Variants in TP63 observed in about 807,000 individuals in gnomAD.
TP63 encodes the protein tumor protein p63, also known as tumor protein 63.
TP63 carries 17 observed loss-of-function variants against 82.8 expected under a neutral mutation model. The ratio of observed to expected loss-of-function variants is 0.21; its 90% CI spans 0.14 to 0.31. TP63 has a LOEUF of 0.31. Ranked by LOEUF, TP63 falls within the 10% of genes least tolerant of loss-of-function variation. The pLI, the probability that TP63 is intolerant of heterozygous loss-of-function variation, is 1.00. For synonymous variants in TP63, 330 were observed against 321.7 expected (o/e 1.03, Z -0.28); for missense variants, 648 against 895.3 (o/e 0.72, Z 3.52).
intron 3 of TP63, among the ~76,000 whole-genome samples, chr3:189,779,456 A>C (rs909993877): frequency 1.1e-4 from 16 of 152,216 alleles, no homozygotes; most frequent in Admixed American, 1.0e-3. Flanking sequence ...TAGGAAGCTC[A>C]GAAGACCAAC....
Position 189,650,749 on chromosome 3 carries a change from A to G in TP63, c.62+19172A>G, listed in dbSNP as rs192201258. Among the ~76,000 whole-genome samples, 149 of 147,676 alleles carry G rather than the reference A, an allele frequency of 1.0e-3. 22 individuals are homozygous for G. In the East Asian group the frequency reaches 0.018, roughly 17 times the overall value. On this transcript the variant is annotated intron_variant, in intron 1 of 13. Coordinates refer to ENST00000264731, the MANE Select transcript of TP63 (RefSeq NM_003722.5). ...TAGCAATGTGAGAATAGACAAGTAC[A>G]CTAAATTGAAACCAGAAGTGGGGTG... is the stretch of plus-strand genomic sequence containing the variant.
At chr3:189,760,911 T>C (rs529654242) in intron 3 of TP63, among the ~76,000 whole-genome samples, 1 of 152,298 alleles carries the variant, frequency 6.6e-6, no homozygotes, top group South Asian at 2.1e-4. Flanking sequence ...CTCAACACCA[T>C]GTAGAAGCTG....
At chr3:189,643,971 A>G (rs1712165864) in intron 1 of TP63, among the ~76,000 whole-genome samples, 1 of 152,120 alleles carries the variant, frequency 6.6e-6, no homozygotes, top group African/African-American at 2.4e-5. Context: ...CCTCTGTTAC[A>G]TGGCTCCATT....
At position 189,631,462 on chromosome 3, in the gene TP63, G is replaced by C; in HGVS notation, c.-54G>C. On this transcript the variant is annotated 5_prime_UTR_variant, in exon 1 of 14. Coordinates refer to ENST00000264731, the MANE Select transcript of TP63 (RefSeq NM_003722.5). Reference sequence around the variant, plus strand: ...TATCTATATATACACAGGTATATGTGTATATTTTATATAATTGTTCTCCGT... The same window carrying C: ...TATCTATATATACACAGGTATATGTCTATATTTTATATAATTGTTCTCCGT... 6.2e-7 allele frequency: 1 copy of C among 1,610,188 alleles called. No individual in the cohort carries two copies. Among genetic ancestry groups the C allele is most frequent in the Non-Finnish European group, 8.5e-7 (1 of 1,177,654 alleles).
intron 1 of TP63, among the ~76,000 whole-genome samples, chr3:189,643,455 T>TAAAA (rs71635306): frequency 2.2e-3 from 266 of 122,896 alleles, no homozygotes; most frequent in Middle Eastern, 0.018. Context: ...TTAAACTGAT[T>TAAAA]AAAAAAAAAA....
At chr3:189,701,480 T>C (rs940835975) in intron 1 of TP63, among the ~76,000 whole-genome samples, 2 of 149,220 alleles carry the variant, frequency 1.3e-5, no homozygotes, top group Admixed American at 6.7e-5. Flanking sequence ...GAGATAAGGG[T>C]GTATGAGAAC....
chr3:189,637,657 A>G (rs1004449651), intron 1 of TP63, among the ~76,000 whole-genome samples: 2 of 152,160 alleles, frequency 1.3e-5, no homozygotes, highest in African/African-American at 4.8e-5. Flanking sequence ...ATAAAATTTT[A>G]CAGTTGACAA....
chr3:189,636,035 T>C (rs1729755081), intron 1 of TP63, among the ~76,000 whole-genome samples: 1 of 152,160 alleles, frequency 6.6e-6, no homozygotes, highest in African/African-American at 2.4e-5. Flanking sequence ...ATGTTGTTTA[T>C]ACACAGTTGT....
At chr3:189,757,081 T>C (rs557623230) in intron 3 of TP63, among the ~76,000 whole-genome samples, 8 of 152,340 alleles carry the variant, frequency 5.3e-5, no homozygotes, top group African/African-American at 1.9e-4. Flanking sequence ...TTTCAATCTG[T>C]AAAACGTGAA....
intron 4 of TP63, among the ~76,000 whole-genome samples, chr3:189,811,560 C>T (rs895943211): frequency 2.6e-5 from 4 of 152,198 alleles, no homozygotes; most frequent in Admixed American, 6.5e-5. Context: ...GTAAGTTCTT[C>T]GTCATGGATA....
At chr3:189,641,798 A>T (rs537259854) in intron 1 of TP63, among the ~76,000 whole-genome samples, 1 of 152,332 alleles carries the variant, frequency 6.6e-6, no homozygotes, top group Non-Finnish European at 1.5e-5. Context: ...AAGCAAACTT[A>T]TACATGTTCA....
intron 4 of TP63, among the ~76,000 whole-genome samples, chr3:189,841,231 C>T (rs769792812): frequency 4.6e-5 from 7 of 152,142 alleles, no homozygotes; most frequent in South Asian, 2.1e-4. Context: ...TTTGTGTTAT[C>T]GTGAGCAAAG....
At chr3:189,710,505 C>T (rs1191103394) in intron 1 of TP63, among the ~76,000 whole-genome samples, 1 of 152,000 alleles carries the variant, frequency 6.6e-6, no homozygotes, top group South Asian at 2.1e-4. Flanking sequence ...TTTAGCTTCC[C>T]TCAATATTTC....
At chr3:189,599,325 AG>A in the TP63 span, among the ~76,000 whole-genome samples, 1 of 152,146 alleles carries the variant, frequency 6.6e-6, no homozygotes, top group East Asian at 1.9e-4. Flanking sequence ...TGGGCCTGGA[AG>A]GGTCATCAAT....
chr3:189,881,340 C>T (rs747308069), intron 10 of TP63: 4 of 985,264 alleles, frequency 4.1e-6, no homozygotes, highest in Non-Finnish European at 3.6e-6. Flanking sequence ...AAGATAATAG[C>T]ATAAAGACTT....
intron 2 of TP63, among the ~76,000 whole-genome samples, chr3:189,738,136 G>C (rs897761125): frequency 1.4e-4 from 21 of 152,132 alleles, no homozygotes; most frequent in African/African-American, 5.1e-4. Context: ...ATGTTTCTCT[G>C]ATACTCAGAA....
chr3:189,848,237 C>T (rs796098621), intron 4 of TP63, among the ~76,000 whole-genome samples: 2,617 of 134,558 alleles, frequency 0.019, 100 homozygotes, highest in African/African-American at 0.074. Flanking sequence ...TCCTCCTCCT[C>T]CTTCTCTCTC....
At chr3:189,872,411 A>G (rs2108817121) in intron 9 of TP63, among the ~76,000 whole-genome samples, 1 of 150,374 alleles carries the variant, frequency 6.7e-6, no homozygotes, top group Admixed American at 6.6e-5. Context: ...ACACACACAC[A>G]CACACACACA....
At chr3:189,821,596 G>A (rs994753201) in intron 4 of TP63, among the ~76,000 whole-genome samples, 2 of 152,158 alleles carry the variant, frequency 1.3e-5, no homozygotes, top group South Asian at 2.1e-4. Flanking sequence ...CCTAAGCCTC[G>A]CTTAAAGCAT....
Sources: gnomAD v4.1 joint callset for allele counts (sites outside exome capture counted in the v4.1 genomes callset) on GRCh38, gnomAD v4.1.1 for gene constraint, MANE v1.5 for transcripts, NCBI Gene and HGNC (gene_info 2026-07-23, HGNC 2026-07-21) for gene names.